The following PCLO variants were observed in gnomAD, a reference collection of about 807,000 sequenced individuals.
PCLO encodes piccolo presynaptic cytomatrix protein, also known as protein piccolo.
In PCLO, 82 loss-of-function variants were observed where a neutral mutation model predicts 427.5. The ratio of observed to expected loss-of-function variants is 0.19; its 90% CI spans 0.16 to 0.23. PCLO has a LOEUF of 0.23. PCLO is among the 10% of genes least tolerant of loss of function. The probability of loss-of-function intolerance (pLI) is 1.00; values close to 1 mark genes in which losing one functional copy is unlikely to be tolerated. For missense variants in PCLO, 6,239 were observed against 6,115.9 expected (o/e 1.02, Z -0.67); for synonymous variants, 2,357 against 2,155.4 (o/e 1.09, Z -2.59).
At chr7:82,943,428 A>C (rs1291952601) in intron 6 of PCLO, among the ~76,000 whole-genome samples, 2 of 152,068 alleles carry the variant, frequency 1.3e-5, no homozygotes, top group African/African-American at 4.8e-5. Context: ...ATCATTGCCA[A>C]AATGTGATAT....
intron 6 of PCLO, among the ~76,000 whole-genome samples, chr7:82,942,482 T>C (rs933692411): frequency 4.6e-5 from 7 of 152,176 alleles, no homozygotes; most frequent in Admixed American, 3.9e-4. Flanking sequence ...TTTCCTTCTT[T>C]ATAAAAAGTT....
intron 3 of PCLO, among the ~76,000 whole-genome samples, chr7:83,113,988 G>A (rs1037497095): frequency 2.6e-5 from 4 of 151,614 alleles, no homozygotes; most frequent in Non-Finnish European, 5.9e-5. Context: ...ATATATAAGG[G>A]GATACATATT....
chr7:83,025,646 T>G, intron 3 of PCLO, among the ~76,000 whole-genome samples: 1 of 151,056 alleles, frequency 6.6e-6, no homozygotes. Flanking sequence ...CCAAGACACA[T>G]AATTGTCAGA....
intron 18 of PCLO, among the ~76,000 whole-genome samples, chr7:82,825,592 G>A (rs2115669499): frequency 6.7e-6 from 1 of 149,194 alleles, no homozygotes; most frequent in Non-Finnish European, 1.5e-5. Flanking sequence ...GCCCTAAGCA[G>A]AACACTAAAC....
At chr7:82,908,347 T>C (rs1562850271) in intron 8 of PCLO, among the ~76,000 whole-genome samples, 1 of 152,116 alleles carries the variant, frequency 6.6e-6, no homozygotes, top group African/African-American at 2.4e-5. Context: ...AATATCTACT[T>C]TATGTGAGTT....
intron 6 of PCLO, among the ~76,000 whole-genome samples, chr7:82,924,041 A>T (rs2116310405): frequency 6.6e-6 from 1 of 152,222 alleles, no homozygotes; most frequent in South Asian, 2.1e-4. Context: ...GTGATATACT[A>T]AATAATGTCC....
Position 83,007,871 on chromosome 7 carries a change from CTTA to C in PCLO, c.3301-41387_3301-41385del, listed in dbSNP as rs546619913. ...TATGTGATAAAATCTATGTAGTGTACTTAACAGTGTCTGAGACATGGACATGCT... is the reference window on the plus strand; with the variant it reads ...TATGTGATAAAATCTATGTAGTGTACACAGTGTCTGAGACATGGACATGCT... On this transcript the variant is annotated intron_variant, in intron 3 of 24. Transcript: ENST00000333891. Among the ~76,000 whole-genome samples, 392 of 151,730 alleles carry C rather than the reference CTTA, an allele frequency of 2.6e-3. 1 individual carries two copies. Among genetic ancestry groups the C allele is most frequent in the African/African-American group, 9.0e-3 (373 of 41,504 alleles).
intron 3 of PCLO, among the ~76,000 whole-genome samples, chr7:83,049,306 A>G (rs1402584100): frequency 2.0e-5 from 3 of 152,180 alleles, no homozygotes; most frequent in Non-Finnish European, 4.4e-5. Context: ...ACATGATGCA[A>G]CATGTGTTGT....
chr7:82,846,092 T>G (rs1792493901), intron 12 of PCLO, among the ~76,000 whole-genome samples: 1 of 152,232 alleles, frequency 6.6e-6, no homozygotes, highest in Non-Finnish European at 1.5e-5. Context: ...AAGAAAGAGT[T>G]AAATCTATCT....
chr7:83,028,345 C>T (rs1410163961), intron 3 of PCLO, among the ~76,000 whole-genome samples: 1 of 149,728 alleles, frequency 6.7e-6, no homozygotes, highest in African/African-American at 2.5e-5. Flanking sequence ...CATGAGTGAA[C>T]TCCCATTCAC....
chr7:82,910,825 T>A (rs1175021172), intron 7 of PCLO, among the ~76,000 whole-genome samples: 1 of 152,136 alleles, frequency 6.6e-6, no homozygotes, highest in Non-Finnish European at 1.5e-5. Context: ...TAATAGACAT[T>A]TGACAAGGAA....
rs778108792 is a variant in PCLO at position 82,794,459 on chromosome 7, C to CTTTTT, written c.15007+7054_15007+7058dup. Among the ~76,000 whole-genome samples, 11 of 56,362 alleles carry CTTTTT rather than the reference C, an allele frequency of 2.0e-4. 1 individual carries two copies. Among genetic ancestry groups the CTTTTT allele is most frequent in the African/African-American group, 2.2e-4 (5 of 22,578 alleles). The allele number at this position is 56,362 out of a possible 152,430, so 37.0% of individuals were successfully genotyped here. A position where few individuals can be genotyped will look rare whatever the true frequency, so the allele number is the denominator to read the frequency against. Reference sequence around the variant, plus strand: ...ACATGCTAGTTCATAAATTTTTTTTCTTTTTTTTTTTTTTTTTTTTTTTTT... The same window carrying CTTTTT: ...ACATGCTAGTTCATAAATTTTTTTTCTTTTTTTTTTTTTTTTTTTTTTTTTTTTTT... On this transcript the variant is annotated intron_variant, in intron 22 of 24. Transcript: ENST00000333891.
At chr7:83,061,461 A>C (rs1352167327) in intron 3 of PCLO, among the ~76,000 whole-genome samples, 1 of 152,194 alleles carries the variant, frequency 6.6e-6, no homozygotes, top group Non-Finnish European at 1.5e-5. Context: ...ATGTTTTGCC[A>C]CATAACATAA....
At chr7:83,093,490 A>ATTTTTTTTTT (rs1339244676) in intron 3 of PCLO, among the ~76,000 whole-genome samples, 2 of 66,004 alleles carry the variant, frequency 3.0e-5, no homozygotes, top group African/African-American at 1.3e-4. Flanking sequence ...ATATATATAT[A>ATTTTTTTTTT]TATTTTTTTT....
intron 10 of PCLO, among the ~76,000 whole-genome samples, chr7:82,860,173 C>G (rs1031455390): frequency 1.3e-5 from 2 of 151,992 alleles, no homozygotes; most frequent in African/African-American, 4.8e-5. Context: ...GGGATAATGA[C>G]AGAGAATGTC....
Position 82,782,048 on chromosome 7 carries a change from T to A in PCLO, c.15007+19470A>T, listed in dbSNP as rs947718503. Among the ~76,000 whole-genome samples, 5 of 152,318 alleles carry A rather than the reference T, an allele frequency of 3.3e-5. No individual in the cohort carries two copies. The East Asian group carries it at 9.7e-4, about 29-fold the overall frequency. ...AAATTAATCATACCCACAGAGGAGA[T>A]CACAGGAACCCCAACTTGAAGCCAG... is the stretch of plus-strand genomic sequence containing the variant. On this transcript the variant is annotated intron_variant, in intron 22 of 24. Coordinates refer to ENST00000333891, the MANE Select transcript of PCLO (RefSeq NM_033026.6).
rs1480683950 is a variant in PCLO, at chr7:82,916,202, G to A, written c.11784C>T (p.Phe3928=). ...TGAAGGACATTGTTGCCACAGCTTG[G>A]AATGTTGGCTGAGTCTGATAAGGTG... The part of the protein sequence containing the change: ...QVSPYQTQPT[F]QAVATMSFTP... The change falls in exon 7 of 25, where the codon TTC becomes TTT. Residue 3928 remains phenylalanine (F), a synonymous_variant. Transcript: ENST00000333891. 6.2e-7 allele frequency: 1 copy of A among 1,613,608 alleles called. No individual in the cohort carries two copies. Among genetic ancestry groups the A allele is most frequent in the Non-Finnish European group, 8.5e-7 (1 of 1,179,680 alleles).
intron 3 of PCLO, among the ~76,000 whole-genome samples, chr7:83,106,294 G>C (rs1000614926): frequency 2.0e-5 from 3 of 152,176 alleles, no homozygotes; most frequent in African/African-American, 7.2e-5. Flanking sequence ...AGGCAAAGCT[G>C]TGTCTGCCGC....
intron 3 of PCLO, among the ~76,000 whole-genome samples, chr7:83,021,156 C>T (rs2116057495): frequency 6.6e-6 from 1 of 152,196 alleles, no homozygotes; most frequent in East Asian, 2.0e-4. Flanking sequence ...TTTACAGCCC[C>T]TCACACCCTA....
Sources: allele counts gnomAD v4.1 joint callset (sites outside exome capture counted in the v4.1 genomes callset), GRCh38; gene constraint gnomAD v4.1.1; transcripts MANE v1.5; gene names NCBI Gene and HGNC (gene_info 2026-07-23, HGNC 2026-07-21).